The following CCDC171 variants were observed in gnomAD, a reference collection of about 807,000 sequenced individuals.
CCDC171 encodes coiled-coil domain-containing protein 171.
Under a neutral mutation model 168.2 loss-of-function variants are expected in CCDC171, and 177 were observed. The observed-to-expected ratio is 1.05, with a 90% CI of 0.93 to 1.19. The LOEUF (loss-of-function observed/expected upper bound fraction) is 1.19. Among genes scored for constraint, CCDC171 ranks in the 50% most tolerant of loss-of-function variants. CCDC171 has a pLI of 0.00. For synonymous variants in CCDC171, 687 were observed against 540.8 expected, an observed-to-expected ratio of 1.27 and a Z score of -3.75; for missense variants, 1,991 against 1,539.0, an observed-to-expected ratio of 1.29 and a Z score of -4.91.
chr9:15,639,982 C>T (rs958187978), intron 7 of CCDC171, among the ~76,000 whole-genome samples: 5 of 152,114 alleles, frequency 3.3e-5, no homozygotes, highest in Admixed American at 6.5e-5. Flanking sequence ...TGTCAGGACT[C>T]GTTTTGGCCT....
intron 3 of CCDC171, among the ~76,000 whole-genome samples, chr9:15,982,673 C>G (rs1172692699): frequency 6.6e-6 from 1 of 152,070 alleles, no homozygotes; most frequent in Non-Finnish European, 1.5e-5. Context: ...CCTCTGCTTC[C>G]TTCCCTTCCT....
chr9:15,778,788 C>T (rs1243047546), intron 19 of CCDC171, among the ~76,000 whole-genome samples, 180 bp from the exon 20 acceptor site: 1 of 151,770 alleles, frequency 6.6e-6, no homozygotes, highest in East Asian at 1.9e-4. Flanking sequence ...TCCAGATGTT[C>T]ATTTTTCATA....
intron 11 of CCDC171, among the ~76,000 whole-genome samples, chr9:15,716,651 G>A (rs1333260337): frequency 6.6e-6 from 1 of 152,086 alleles, no homozygotes; most frequent in Non-Finnish European, 1.5e-5. Flanking sequence ...AGATTGAGGG[G>A]CCAACATCTG....
At chr9:15,958,143 C>CATTT (rs998080177) in intron 25 of CCDC171, among the ~76,000 whole-genome samples, 3 of 151,992 alleles carry the variant, frequency 2.0e-5, no homozygotes, top group African/African-American at 7.3e-5. Context: ...TTCATTCATT[C>CATTT]ATTCATTCCT....
intron 6 of CCDC171, among the ~76,000 whole-genome samples, chr9:15,608,944 CAAAAAAAAAAAAAA>C (rs71491669): frequency 5.1e-4 from 7 of 13,708 alleles, no homozygotes; most frequent in African/African-American, 5.1e-4. Context: ...GACCCTGTCT[CAAAAAAAAAAAAAA>C]AAAAAAAAAA....
chr9:16,067,048 C>T, the CCDC171 span, among the ~76,000 whole-genome samples: 1 of 152,072 alleles, frequency 6.6e-6, no homozygotes, highest in African/African-American at 2.4e-5. Context: ...CTGACTTCCA[C>T]AGTGGTTGAA....
At chr9:15,809,280 T>C (rs1038876044) in intron 21 of CCDC171, among the ~76,000 whole-genome samples, 1 of 152,184 alleles carries the variant, frequency 6.6e-6, no homozygotes, top group Non-Finnish European at 1.5e-5. Context: ...GTCTAGTGTC[T>C]AGAGCAGCAC....
intron 25 of CCDC171, among the ~76,000 whole-genome samples, chr9:15,955,275 G>T (rs907802908): frequency 3.3e-5 from 5 of 152,218 alleles, no homozygotes; most frequent in South Asian, 2.1e-4. Context: ...TGGTCCCAAA[G>T]GGGGGAAAAG....
At chr9:15,988,513 G>A (rs535899724) in intron 3 of CCDC171, among the ~76,000 whole-genome samples, 1 of 152,296 alleles carries the variant, frequency 6.6e-6, no homozygotes, top group East Asian at 1.9e-4. Context: ...CAGAAGACGG[G>A]TGATTTCTCC....
chr9:15,623,440 T>C, intron 7 of CCDC171, 27 bp downstream of exon 7: 2 of 1,475,572 alleles, frequency 1.4e-6, no homozygotes, highest in South Asian at 1.2e-5. Context: ...CTTTATAATA[T>C]ATATGCGTAC....
chr9:15,788,611 G>A (rs1484734476), intron 21 of CCDC171, among the ~76,000 whole-genome samples: 1 of 150,282 alleles, frequency 6.7e-6, no homozygotes, highest in Admixed American at 6.6e-5. Flanking sequence ...TAAAGACAGG[G>A]CCTCACTCTG....
chr9:15,810,430 G>A lies in CCDC171; in HGVS notation c.3267+25736G>A, dbSNP rs915574809. On this transcript the variant is annotated intron_variant, in intron 21 of 25. Transcript: ENST00000380701. ...CAGCCCTTGGGAGGTAAATGGGACCGGGCGCTGTGGAGCAGGGGGTGGCGC... is the reference window on the plus strand; with the variant it reads ...CAGCCCTTGGGAGGTAAATGGGACCAGGCGCTGTGGAGCAGGGGGTGGCGC... 1.4e-4 allele frequency among the ~76,000 whole-genome samples: 21 copies of A among 151,862 alleles called. No individual in the cohort carries two copies. The East Asian group carries it at 3.3e-3, about 24-fold the overall frequency.
intron 21 of CCDC171, among the ~76,000 whole-genome samples, chr9:15,829,595 C>G (rs2060147340): frequency 6.6e-6 from 1 of 152,124 alleles, no homozygotes; most frequent in African/African-American, 2.4e-5. Flanking sequence ...GCAAAACTTG[C>G]TATGCAAGAG....
intron 7 of CCDC171, among the ~76,000 whole-genome samples, chr9:15,628,868 T>A (rs2045416622): frequency 6.6e-6 from 1 of 152,166 alleles, no homozygotes; most frequent in Admixed American, 6.5e-5. Flanking sequence ...GCATTAACGG[T>A]TCACGAAAAT....
At chr9:15,902,606 C>A in intron 24 of CCDC171, among the ~76,000 whole-genome samples, 1 of 152,066 alleles carries the variant, frequency 6.6e-6, no homozygotes, top group East Asian at 1.9e-4. Flanking sequence ...CCAGCATGAG[C>A]AATGCAGAAG....
chr9:15,977,883 T>A (rs1182170358), downstream of CCDC171, among the ~76,000 whole-genome samples: 2 of 152,206 alleles, frequency 1.3e-5, no homozygotes. Flanking sequence ...AAATCTTAAA[T>A]GTGATCTAGG....
intron 23 of CCDC171, among the ~76,000 whole-genome samples, chr9:15,856,394 C>T (rs533500741): frequency 5.3e-5 from 8 of 151,906 alleles, no homozygotes; most frequent in South Asian, 2.1e-4. Context: ...TCCATGAGTT[C>T]GACTATTTTA....
At chr9:15,659,142 A>C (rs868056834) in intron 8 of CCDC171, among the ~76,000 whole-genome samples, 6 of 152,322 alleles carry the variant, frequency 3.9e-5, no homozygotes, top group Admixed American at 2.0e-4. Flanking sequence ...GGATATGGTC[A>C]TGCAAAGTTA....
chr9:15,596,473 C>T (rs1439635386), intron 6 of CCDC171, among the ~76,000 whole-genome samples: 2 of 152,140 alleles, frequency 1.3e-5, no homozygotes, highest in Non-Finnish European at 2.9e-5. Context: ...GCTATTATTT[C>T]TGAGGGCTCT....
Sources: gnomAD v4.1 joint callset for allele counts (sites outside exome capture counted in the v4.1 genomes callset) on GRCh38, gnomAD v4.1.1 for gene constraint, MANE v1.5 for transcripts, NCBI Gene and HGNC (gene_info 2026-07-23, HGNC 2026-07-21) for gene names.